The following MINDY4 variants were observed in gnomAD, a reference collection of about 807,000 sequenced individuals.
MINDY4 encodes MINDY lysine 48 deubiquitinase 4.
In MINDY4, 68 loss-of-function variants were observed where a neutral mutation model predicts 87.0. That is an observed-to-expected ratio of 0.78 (90% CI 0.64 to 0.96). MINDY4 has a LOEUF of 0.96. Ranked by LOEUF, MINDY4 falls within the 40% of genes least tolerant of loss-of-function variation. The pLI, the probability that MINDY4 is intolerant of heterozygous loss-of-function variation, is 0.00. For missense variants in MINDY4, 919 were observed against 928.2 expected (o/e 0.99, Z 0.13); for synonymous variants, 379 against 363.2 (o/e 1.04, Z -0.50).
At chr7:30,855,553 G>T (rs779840861) in intron 12 of MINDY4, among the ~76,000 whole-genome samples, 4 of 152,246 alleles carry the variant, frequency 2.6e-5, no homozygotes, top group Non-Finnish European at 5.9e-5. Flanking sequence ...GAGCCTGAGG[G>T]TGATTGCTCA....
chr7:30,874,187 G>A (rs533091962), intron 14 of MINDY4, among the ~76,000 whole-genome samples: 4 of 152,392 alleles, frequency 2.6e-5, no homozygotes, highest in South Asian at 4.1e-4. Flanking sequence ...GTGGCAGAAG[G>A]TGGATGAGAC....
intron 6 of MINDY4, among the ~76,000 whole-genome samples, chr7:30,830,495 T>TTA (rs1788666628): frequency 6.6e-6 from 1 of 152,130 alleles, no homozygotes; most frequent in Non-Finnish European, 1.5e-5. Flanking sequence ...CTCAGGAAAC[T>TTA]TACAATCGTG....
intron 5 of MINDY4, among the ~76,000 whole-genome samples, chr7:30,794,318 G>A (rs1787413997): frequency 6.6e-6 from 1 of 152,130 alleles, no homozygotes; most frequent in South Asian, 2.1e-4. Context: ...AGACACACAT[G>A]TGCACATATA....
At chr7:30,801,096 G>A (rs556426503) in intron 5 of MINDY4, among the ~76,000 whole-genome samples, 4 of 152,214 alleles carry the variant, frequency 2.6e-5, no homozygotes, top group African/African-American at 4.8e-5. Flanking sequence ...AGCCACGGGC[G>A]CACAGATGCC....
intron 5 of MINDY4, among the ~76,000 whole-genome samples, chr7:30,806,403 C>G (rs1490015468): frequency 6.6e-6 from 1 of 152,192 alleles, no homozygotes; most frequent in South Asian, 2.1e-4. Flanking sequence ...TAAAATATAT[C>G]AAATATTTGG....
chr7:30,865,984 C>G (rs1051816873), intron 13 of MINDY4, among the ~76,000 whole-genome samples: 2 of 152,244 alleles, frequency 1.3e-5, no homozygotes, highest in African/African-American at 2.4e-5. Context: ...GCTGTCCTCT[C>G]GCAGTGCAGC....
intron 5 of MINDY4, among the ~76,000 whole-genome samples, chr7:30,828,353 C>T (rs1423321479): frequency 6.7e-6 from 1 of 149,268 alleles, no homozygotes; most frequent in East Asian, 2.0e-4. Context: ...TGTGTGTTTC[C>T]CAGAAGTATT....
intron 6 of MINDY4, among the ~76,000 whole-genome samples, chr7:30,834,291 T>C: frequency 6.6e-6 from 1 of 152,252 alleles, no homozygotes; most frequent in South Asian, 2.1e-4. Context: ...TCTTGACTTC[T>C]GTGCACCTGC....
In MINDY4 at chr7:30,791,365, C is replaced by T. The variant is rs1209798350; in HGVS notation, c.864C>T (p.Ser288=). Residue 288 remains serine (S), a synonymous_variant, in exon 5 of 18, where the codon AGC becomes AGT. Transcript: ENST00000265299. The stretch of plus-strand genomic sequence containing the variant: ...TAGAAAGGCAGAAAACCACTGCCAG[C>T]AGCCCTCCCCATCTGCCCAGCAAAC... ...LTVERQKTTA[S]SPPHLPSKRL... The T allele has an allele frequency of 1.2e-6, 2 of 1,614,138 alleles. No individual in the cohort carries two copies. The highest frequency in any genetic ancestry group is 2.2e-5 in the East Asian group (1 of 44,874).
At chr7:30,853,517 G>A in intron 12 of MINDY4, 58 bp downstream of exon 12, 1 of 1,411,760 alleles carries the variant, frequency 7.1e-7, no homozygotes, top group South Asian at 1.2e-5. Flanking sequence ...TGATTTCACT[G>A]TGGGAACAAT....
chr7:30,798,345 G>A (rs1787552579), intron 5 of MINDY4, among the ~76,000 whole-genome samples: 1 of 152,174 alleles, frequency 6.6e-6, no homozygotes, highest in African/African-American at 2.4e-5. Context: ...GATGTGCTGT[G>A]TTAGAGAAAG....
chr7:30,813,343 A>G lies in MINDY4; in HGVS notation c.1074-15336A>G, dbSNP rs563242693. 5.9e-5 allele frequency among the ~76,000 whole-genome samples: 9 copies of G among 152,240 alleles called. No homozygotes were observed. The South Asian group carries it at 1.5e-3, about 25-fold the overall frequency. On this transcript the variant is annotated intron_variant, in intron 5 of 17. Coordinates refer to ENST00000265299, the MANE Select transcript of MINDY4 (RefSeq NM_032222.3). Reference sequence around the variant, plus strand: ...AAACTTGCCCTGTGTTAAAGTGTTCAATCCCCAGGTCCTGAATTCTGTGTG... The same window carrying G: ...AAACTTGCCCTGTGTTAAAGTGTTCGATCCCCAGGTCCTGAATTCTGTGTG...
At chr7:30,798,957 T>C (rs1011031291) in intron 5 of MINDY4, among the ~76,000 whole-genome samples, 3 of 152,308 alleles carry the variant, frequency 2.0e-5, no homozygotes, top group African/African-American at 4.8e-5. Flanking sequence ...TGGGGTTTTA[T>C]TGAAGCTGTT....
chr7:30,792,747 C>T (rs1787363372), intron 5 of MINDY4, among the ~76,000 whole-genome samples: 1 of 151,972 alleles, frequency 6.6e-6, no homozygotes, highest in South Asian at 2.1e-4. Context: ...TGTTCTTTCT[C>T]TCTTAACTAG....
At chr7:30,857,328 G>A (rs1008148739) in intron 12 of MINDY4, among the ~76,000 whole-genome samples, 1 of 152,110 alleles carries the variant, frequency 6.6e-6, no homozygotes, top group Non-Finnish European at 1.5e-5. Context: ...TGTGTTGAAG[G>A]CCCTTCCTGT....
At chr7:30,814,730 G>A (rs1788098232) in intron 5 of MINDY4, among the ~76,000 whole-genome samples, 1 of 152,152 alleles carries the variant, frequency 6.6e-6, no homozygotes, top group African/African-American at 2.4e-5. Context: ...TATTTGCCCA[G>A]GGTCACTTGG....
intron 5 of MINDY4, among the ~76,000 whole-genome samples, chr7:30,806,506 A>G (rs538477461): frequency 6.6e-6 from 1 of 152,144 alleles, no homozygotes; most frequent in Non-Finnish European, 1.5e-5. Context: ...ACAGATGGAT[A>G]TATTCCTGAA....
At chr7:30,831,869 G>A (rs953646814) in intron 6 of MINDY4, among the ~76,000 whole-genome samples, 1 of 152,108 alleles carries the variant, frequency 6.6e-6, no homozygotes, top group African/African-American at 2.4e-5. Flanking sequence ...AAATAGTATG[G>A]GAAACAAAAC....
intron 5 of MINDY4, among the ~76,000 whole-genome samples, chr7:30,820,335 AT>A (rs564402078): frequency 1.9e-3 from 285 of 151,548 alleles, no homozygotes; most frequent in African/African-American, 6.5e-3. Context: ...CTTTTGCCAC[AT>A]TTTTTCTTTA....
Sources: allele counts gnomAD v4.1 joint callset (sites outside exome capture counted in the v4.1 genomes callset), GRCh38; gene constraint gnomAD v4.1.1; transcripts MANE v1.5; gene names NCBI Gene and HGNC (gene_info 2026-07-23, HGNC 2026-07-21).